The following CENPN variants were observed in gnomAD, a reference collection of about 807,000 sequenced individuals.
The protein encoded by CENPN is interphase centromere complex protein 32.
A neutral mutation model predicts 48.6 loss-of-function variants in CENPN; 36 were observed. That is an observed-to-expected ratio of 0.74 (90% CI 0.57 to 0.98). CENPN has a LOEUF of 0.98. CENPN is among the 50% of genes least tolerant of loss of function. CENPN has a pLI of 0.00. For missense variants in CENPN, 439 were observed against 399.2 expected, an observed-to-expected ratio of 1.10 and a Z score of -0.85; for synonymous variants, 166 against 135.2, an observed-to-expected ratio of 1.23 and a Z score of -1.58.
chr16:81,022,714 ACT>A lies in CENPN; in HGVS notation c.633+21_633+22del. 1 of 1,614,056 alleles carries A rather than the reference ACT, an allele frequency of 6.2e-7. No homozygotes were observed. ...GTATAATCAGGTGAGCCAATCAGTG[ACT>A]CTCTTTAAAGGTAAATCTTTATTTT... On this transcript the variant is annotated intron_variant, in intron 7 of 10. Coordinates refer to ENST00000305850, the MANE Select transcript of CENPN (RefSeq NM_001100624.3).
At position 81,026,649 on chromosome 16, in the gene CENPN, G is replaced by C; in HGVS notation, c.810+11G>C. On this transcript the variant is annotated intron_variant, in intron 9 of 10. Transcript: ENST00000305850. ...TTTGCACAATATAAGGTAAGATGTCGTAATAAATATTAAGTACAAGATATC... is the reference window on the plus strand; with the variant it reads ...TTTGCACAATATAAGGTAAGATGTCCTAATAAATATTAAGTACAAGATATC... 1 of 1,331,818 alleles carries C rather than the reference G, an allele frequency of 7.5e-7. No individual in the cohort carries two copies. Among genetic ancestry groups the C allele is most frequent in the Non-Finnish European group, 1.1e-6 (1 of 937,452 alleles). The allele number at this position is 1,331,818 out of a possible 1,614,324, so 82.5% of individuals were successfully genotyped here.
At chr16:81,032,532 CTT>C (rs1463725877), downstream of CENPN, 25 of 1,543,830 alleles carry the variant, frequency 1.6e-5, no homozygotes, top group Non-Finnish European at 1.8e-5. Context: ...ATTAATCCGT[CTT>C]TTATCAGTTG....
At chr16:81,017,123 A>G in intron 3 of CENPN, 2 of 456,782 alleles carry the variant, frequency 4.4e-6, no homozygotes, top group Non-Finnish European at 7.7e-6. Context: ...TATCTAAGTC[A>G]GTTGAATTAA....
chr16:81,022,703 G>A lies in CENPN; in HGVS notation c.633+5G>A, dbSNP rs1310858398. The A allele has an allele frequency of 6.2e-7, 1 of 1,614,058 alleles. No individual in the cohort carries two copies. The highest frequency in any genetic ancestry group is 1.3e-5 in the African/African-American group (1 of 75,042). ...GTTTTTAAACAGTATAATCAGGTGA[G>A]CCAATCAGTGACTCTCTTTAAAGGT... On this transcript the variant is annotated splice_donor_5th_base_variant and intron_variant, in intron 7 of 10. Transcript: ENST00000305850.
Position 81,026,603 on chromosome 16 carries a change from T to C in CENPN, c.775T>C (p.Tyr259His). ...AATAACTCAAGAAACATTTGGAGAT[T>C]ATCCTCAACCACAACTAGAATTTGC... ...QRITQETFGD[Y>H]PQPQLEFAQY... Residue 259 changes from tyrosine (Y) to histidine (H), a missense_variant, in exon 9 of 11, where the codon TAT (tyrosine) becomes CAT (histidine). Coordinates refer to ENST00000305850, the MANE Select transcript of CENPN (RefSeq NM_001100624.3). The C allele has an allele frequency of 6.2e-7, 1 of 1,601,672 alleles. No homozygotes were observed. The highest frequency in any genetic ancestry group is 8.5e-7 in the Non-Finnish European group (1 of 1,170,586).
At chr16:81,008,975 G>C (rs1597303152) in intron 1 of CENPN, among the ~76,000 whole-genome samples, 1 of 152,252 alleles carries the variant, frequency 6.6e-6, no homozygotes, top group African/African-American at 2.4e-5. Context: ...GGGAGGCCGA[G>C]GCGGGAGGAT....
chr16:81,011,429 A>G (rs781444318), intron 1 of CENPN, among the ~76,000 whole-genome samples: 2 of 152,210 alleles, frequency 1.3e-5, no homozygotes, highest in Non-Finnish European at 2.9e-5. Flanking sequence ...GGCCAAAGAC[A>G]TATGTATCCC....
At position 81,012,100 on chromosome 16, in the gene CENPN, A is replaced by G. The variant is rs759687580; in HGVS notation, c.161A>G (p.His54Arg). 1.2e-6 allele frequency: 2 copies of G among 1,614,104 alleles called. No homozygotes were observed. Among genetic ancestry groups the G allele is most frequent in the African/African-American group, 1.3e-5 (1 of 75,066 alleles). The change falls in exon 2 of 11, where the codon CAT becomes CGT. Residue 54 changes from histidine to arginine, a missense_variant. His to Arg is a conservative substitution (Grantham distance 29). Coordinates refer to ENST00000305850, the MANE Select transcript of CENPN (RefSeq NM_001100624.3). ...RKESVVQHLI[H>R]LCEEKRASIS... Reference sequence around the variant, plus strand: ...GAATCTGTAGTTCAGCACTTGATCCATCTGTGTGAGGTAACAGTGTTAAAA... The same window carrying G: ...GAATCTGTAGTTCAGCACTTGATCCGTCTGTGTGAGGTAACAGTGTTAAAA...
At chr16:81,023,639 A>G (rs1970319353) in intron 7 of CENPN, 1 of 152,236 alleles carries the variant, frequency 6.6e-6, no homozygotes, top group Non-Finnish European at 1.5e-5. Context: ...CTGTTCTGCT[A>G]TAATACGACA....
In CENPN at chr16:81,011,930, T is replaced by G; in HGVS notation, c.-10T>G. 1 of 1,611,502 alleles carries G rather than the reference T, an allele frequency of 6.2e-7. No homozygotes were observed. The highest frequency in any genetic ancestry group is 8.5e-7 in the Non-Finnish European group (1 of 1,178,248). ...TTGTGCTGTTTTTGTTTTGTAAAAG[T>G]GCCAAAGAGATGGATGAGACTGTTG... On this transcript the variant is annotated splice_region_variant and 5_prime_UTR_variant, in exon 2 of 11. Transcript: ENST00000305850.
intron 1 of CENPN, among the ~76,000 whole-genome samples, chr16:81,008,022 G>A (rs1020984195): frequency 6.6e-6 from 1 of 152,090 alleles, no homozygotes; most frequent in African/African-American, 2.4e-5. Context: ...CAGGAGAAGC[G>A]CATGAACCCG....
At chr16:81,011,538 A>T (rs534385643) in intron 1 of CENPN, among the ~76,000 whole-genome samples, 1 of 152,376 alleles carries the variant, frequency 6.6e-6, no homozygotes, top group African/African-American at 2.4e-5. Context: ...CCATCAAAAC[A>T]TCAAAATACT....
In CENPN at chr16:81,011,984, A is replaced by C. The variant is rs1420234516; in HGVS notation, c.45A>C (p.Lys15Asn). Residue 15 changes from lysine to asparagine, a missense_variant, in exon 2 of 11, where the codon AAA becomes AAC. Coordinates refer to ENST00000305850, the MANE Select transcript of CENPN (RefSeq NM_001100624.3). ...AGTTCATCAAGAGGACCATCTTGAA[A>C]ATCCCCATGAATGAACTGACAACAA... ...VAEFIKRTIL[K>N]IPMNELTTIL... The C allele has an allele frequency of 6.2e-7, 1 of 1,614,176 alleles. No individual in the cohort carries two copies. Among genetic ancestry groups the C allele is most frequent in the Admixed American group, 1.7e-5 (1 of 60,026 alleles).
intron 3 of CENPN, 105 bp downstream of exon 3, chr16:81,014,286 G>C: frequency 1.1e-6 from 1 of 890,870 alleles, no homozygotes; most frequent in East Asian, 2.5e-5. Context: ...CCAGGCTGGA[G>C]TGCAGTAACG....
chr16:81,012,429 G>A (rs941785525), intron 2 of CENPN, among the ~76,000 whole-genome samples: 1 of 152,090 alleles, frequency 6.6e-6, no homozygotes, highest in Non-Finnish European at 1.5e-5. Context: ...ACAACACCCA[G>A]ATGTATTGGC....
Position 81,020,153 on chromosome 16 carries a change from C to T in CENPN, c.408C>T (p.Ala136=), listed in dbSNP as rs1970116559. 1 of 1,613,310 alleles carries T rather than the reference C, an allele frequency of 6.2e-7. No homozygotes were observed. Among genetic ancestry groups the T allele is most frequent in the Non-Finnish European group, 8.5e-7 (1 of 1,179,798 alleles). ...TEENAVWIRI[A]WGTQYTKPNQ... Reference sequence around the variant, plus strand: ...AGAATGCAGTCTGGATTCGAATTGCCTGGGGAACACAGTACACAAAGCCAA... The same window carrying T: ...AGAATGCAGTCTGGATTCGAATTGCTTGGGGAACACAGTACACAAAGCCAA... Residue 136 remains alanine (A), a synonymous_variant, in exon 6 of 11, where the codon GCC becomes GCT. Coordinates refer to ENST00000305850, the MANE Select transcript of CENPN (RefSeq NM_001100624.3).
rs1969849706 is a variant in CENPN at position 81,014,188 on chromosome 16, G to A, written c.217+7G>A. 1 of 1,610,986 alleles carries A rather than the reference G, an allele frequency of 6.2e-7. No homozygotes were observed. The highest frequency in any genetic ancestry group is 1.1e-5 in the South Asian group (1 of 91,040). ...GCCCTGTTAGACATCATTTGTAAGT[G>A]TCAGTGATTTGTATTTATACTTAAC... On this transcript the variant is annotated splice_region_variant and intron_variant, in intron 3 of 10. Transcript: ENST00000305850.
intron 3 of CENPN, among the ~76,000 whole-genome samples, chr16:81,016,312 T>C (rs1318819925): frequency 1.3e-5 from 2 of 152,152 alleles, no homozygotes; most frequent in Non-Finnish European, 2.9e-5. Context: ...CCAGTTAACA[T>C]AGTGAGACCC....
At chr16:81,023,238 C>T (rs1355457292) in intron 7 of CENPN, 1 of 249,810 alleles carries the variant, frequency 4.0e-6, no homozygotes, top group African/African-American at 2.3e-5. Context: ...CAGATGTCTG[C>T]ATATGTGTTG....
Sources: gnomAD v4.1 joint callset for allele counts (sites outside exome capture counted in the v4.1 genomes callset) on GRCh38, gnomAD v4.1.1 for gene constraint, MANE v1.5 for transcripts, NCBI Gene and HGNC (gene_info 2026-07-23, HGNC 2026-07-21) for gene names.